ETV6: variants seen among roughly 807,000 people sequenced by gnomAD.
ETV6 encodes ETS variant transcription factor 6, also known as transcription factor ETV6.
In ETV6, 16 loss-of-function variants were observed where a neutral mutation model predicts 51.1. The ratio of observed to expected loss-of-function variants is 0.31; its 90% confidence interval spans 0.21 to 0.48. The LOEUF (loss-of-function observed/expected upper bound fraction) is 0.48, where lower values mean the gene tolerates loss of function less well. ETV6 is among the 20% of genes least tolerant of loss of function. The pLI is 0.99. For synonymous variants in ETV6, 240 were observed against 224.1 expected, an observed-to-expected ratio of 1.07 and a Z score of -0.64; for missense variants, 458 against 594.8, an observed-to-expected ratio of 0.77 and a Z score of 2.39.
rs138252640 is a variant in ETV6 at position 11,730,555 on chromosome 12, G to T, written c.34-21895G>T. On this transcript the variant is annotated intron_variant, in intron 1 of 7. Transcript: ENST00000396373. ...CAGCGCAGCCCAGCAGAGAACCTAG[G>T]TCCATAACTGTGGACTCTCCTGTGA... Among the ~76,000 whole-genome samples, 29 of 152,330 alleles carry T rather than the reference G, an allele frequency of 1.9e-4. No homozygotes were observed. In the East Asian group the frequency reaches 5.4e-3, roughly 28 times the overall value.
chr12:11,828,689 A>G (rs1946197586), intron 2 of ETV6, among the ~76,000 whole-genome samples: 1 of 151,992 alleles, frequency 6.6e-6, no homozygotes, highest in Non-Finnish European at 1.5e-5. Flanking sequence ...TTGTTTATGA[A>G]CTCTGGCTGA....
chr12:11,732,558 A>C lies in ETV6; in HGVS notation c.34-19892A>C, dbSNP rs142518581. 5.1e-3 allele frequency among the ~76,000 whole-genome samples: 773 copies of C among 152,206 alleles called. 13 individuals carry two copies. Among genetic ancestry groups the C allele is most frequent in the African/African-American group, 0.018 (745 of 41,518 alleles). Reference sequence around the variant, plus strand: ...TACAAACCTTTTCACCGACTTGGGGAGTTTCCCCCCATTGTATCCCACCCC... The same window carrying C: ...TACAAACCTTTTCACCGACTTGGGGCGTTTCCCCCCATTGTATCCCACCCC... On this transcript the variant is annotated intron_variant, in intron 1 of 7. Transcript: ENST00000396373.
intron 1 of ETV6, among the ~76,000 whole-genome samples, chr12:11,720,613 CTG>C (rs1016400117): frequency 2.0e-5 from 3 of 152,178 alleles, no homozygotes; most frequent in African/African-American, 4.8e-5. Flanking sequence ...AGACCTCAAA[CTG>C]TAAAAATCCT....
chr12:11,746,575 A>G (rs1320367832), intron 1 of ETV6, among the ~76,000 whole-genome samples: 3 of 152,306 alleles, frequency 2.0e-5, no homozygotes, highest in African/African-American at 7.2e-5. Flanking sequence ...ATATGTATTT[A>G]TGGGTAAAAG....
chr12:11,752,060 A>T (rs1866040586), intron 1 of ETV6, among the ~76,000 whole-genome samples: 1 of 152,252 alleles, frequency 6.6e-6, no homozygotes, highest in Non-Finnish European at 1.5e-5. Flanking sequence ...CATGGCTTTA[A>T]TATAGTGATG....
chr12:11,748,669 A>T (rs1865952243), intron 1 of ETV6, among the ~76,000 whole-genome samples: 1 of 152,104 alleles, frequency 6.6e-6, no homozygotes, highest in African/African-American at 2.4e-5. Flanking sequence ...GGTGTGGGGG[A>T]ACGTGGAGAA....
chr12:11,822,898 G>A (rs1363229042), intron 2 of ETV6, among the ~76,000 whole-genome samples: 1 of 152,170 alleles, frequency 6.6e-6, no homozygotes, highest in Non-Finnish European at 1.5e-5. Flanking sequence ...TTCAGCTTGA[G>A]TATTTCAAAT....
At position 11,893,406 on chromosome 12, in the gene ETV6, C is replaced by A. The variant is rs1002390075; in HGVS notation, c.*2360C>A. On this transcript the variant is annotated 3_prime_UTR_variant, in exon 8 of 8. Transcript: ENST00000396373. ...GAGGGAAATTCCCTTTTGCCCCAAG[C>A]ATTTCTATATTTAAAGCAATATCCC... 5.6e-5 allele frequency: 13 copies of A among 232,032 alleles called. No homozygotes were observed. The highest frequency in any genetic ancestry group is 1.0e-4 in the Non-Finnish European group (12 of 117,474). The allele number at this position is 232,032 out of a possible 1,614,324, so 14.4% of individuals were successfully genotyped here. A position where few individuals can be genotyped will look rare whatever the true frequency, so the allele number is the denominator to read the frequency against.
intron 4 of ETV6, among the ~76,000 whole-genome samples, chr12:11,864,293 A>G (rs751565146): frequency 4.5e-4 from 69 of 152,354 alleles, no homozygotes; most frequent in Non-Finnish European, 8.4e-4. Flanking sequence ...CATCAAAGAA[A>G]GCCTGCAGGT....
chr12:11,757,814 C>G (rs1447984828), intron 2 of ETV6, among the ~76,000 whole-genome samples: 2 of 152,202 alleles, frequency 1.3e-5, no homozygotes, highest in African/African-American at 4.8e-5. Context: ...TGAAGTTGTG[C>G]TGAATCCTCA....
At chr12:11,790,879 T>C (rs1945576155) in intron 2 of ETV6, among the ~76,000 whole-genome samples, 1 of 152,040 alleles carries the variant, frequency 6.6e-6, no homozygotes, top group South Asian at 2.1e-4. Context: ...GCTTTCACCA[T>C]GTTGGCCAGC....
At chr12:11,852,730 G>T (rs193017984) in intron 3 of ETV6, among the ~76,000 whole-genome samples, 127 of 152,312 alleles carry the variant, frequency 8.3e-4, no homozygotes, top group African/African-American at 2.8e-3. Context: ...AGTAATGTGG[G>T]AAAATGTTCA....
chr12:11,699,377 C>G (rs1864936449), intron 1 of ETV6, among the ~76,000 whole-genome samples: 1 of 152,048 alleles, frequency 6.6e-6, no homozygotes, highest in African/African-American at 2.4e-5. Context: ...TAAGCATTAC[C>G]CATTTTATTA....
intron 2 of ETV6, among the ~76,000 whole-genome samples, chr12:11,795,952 C>CT (rs1178696583): frequency 1.3e-5 from 2 of 152,184 alleles, no homozygotes; most frequent in Non-Finnish European, 2.9e-5. Context: ...AGGAAGGAGG[C>CT]TGCCACCCTT....
chr12:11,746,030 T>G (rs1257277486), intron 1 of ETV6, among the ~76,000 whole-genome samples: 2 of 152,162 alleles, frequency 1.3e-5, no homozygotes, highest in South Asian at 4.1e-4. Flanking sequence ...TTCCGTCAGC[T>G]GAATGCATTT....
rs553200577 is a variant in ETV6 at position 11,839,171 on chromosome 12, C to T, written c.195C>T (p.Asp65=). The T allele has an allele frequency of 1.8e-4, 289 of 1,614,192 alleles. 2 individuals are homozygous for T. The South Asian group carries it at 2.9e-3, about 16-fold the overall frequency. The change falls in exon 3 of 8, where the codon GAC becomes GAT. Residue 65 remains aspartate (D), a synonymous_variant. Transcript: ENST00000396373. The stretch of plus-strand genomic sequence containing the variant: ...AGCCAATTTACTGGAGCAGGGATGA[C>T]GTAGCCCAGTGGCTCAAGTGGGCTG... ...RLQPIYWSRD[D]VAQWLKWAEN... is the part of the protein sequence containing the mutation.
intron 1 of ETV6, among the ~76,000 whole-genome samples, chr12:11,675,683 G>A (rs1198002929): frequency 1.3e-5 from 2 of 152,174 alleles, no homozygotes; most frequent in African/African-American, 4.8e-5. Flanking sequence ...ATGTGGTAAT[G>A]TGTGCCTGTA....
chr12:11,710,135 C>T (rs1865146370), intron 1 of ETV6, among the ~76,000 whole-genome samples: 1 of 152,106 alleles, frequency 6.6e-6, no homozygotes, highest in Admixed American at 6.5e-5. Context: ...GGAAGAGAAA[C>T]CTTGATTTTC....
At chr12:11,686,207 A>G (rs1864625491) in intron 1 of ETV6, among the ~76,000 whole-genome samples, 1 of 152,150 alleles carries the variant, frequency 6.6e-6, no homozygotes, top group Non-Finnish European at 1.5e-5. Flanking sequence ...TGTCTTCTTG[A>G]TTTGCCCGAC....
Sources: allele counts gnomAD v4.1 joint callset (sites outside exome capture counted in the v4.1 genomes callset), GRCh38; gene constraint gnomAD v4.1.1; transcripts MANE v1.5; gene names NCBI Gene and HGNC (gene_info 2026-07-23, HGNC 2026-07-21).